The following RELN variants were observed in gnomAD, a reference collection of about 807,000 sequenced individuals.
RELN encodes reelin.
RELN carries 108 observed loss-of-function variants against 427.6 expected under a neutral mutation model. The observed-to-expected ratio is 0.25, with a 90% confidence interval of 0.22 to 0.30. The LOEUF is 0.30. Ranked by LOEUF, RELN falls within the 10% of genes least tolerant of loss-of-function variation. RELN has a pLI of 1.00. For synonymous variants in RELN, 1,524 were observed against 1,513.4 expected (o/e 1.01, Z -0.16); for missense variants, 3,715 against 4,302.8 (o/e 0.86, Z 3.82).
At chr7:103,568,164 G>C (rs909841561) in intron 31 of RELN, among the ~76,000 whole-genome samples, 1 of 151,960 alleles carries the variant, frequency 6.6e-6, no homozygotes, top group African/African-American at 2.4e-5. Flanking sequence ...CCCTATTCTT[G>C]ACTAACTAGA....
At chr7:103,981,777 A>T (rs1167227759) in intron 1 of RELN, among the ~76,000 whole-genome samples, 1 of 152,236 alleles carries the variant, frequency 6.6e-6, no homozygotes, top group Non-Finnish European at 1.5e-5. Flanking sequence ...AGATGGTTGT[A>T]TCATCTCCGA....
intron 2 of RELN, among the ~76,000 whole-genome samples, chr7:103,909,239 T>C (rs1458100693): frequency 6.6e-6 from 1 of 151,940 alleles, no homozygotes; most frequent in African/African-American, 2.4e-5. Flanking sequence ...CCCTGGGGAG[T>C]ATGGGCCTTG....
chr7:103,965,438 A>G (rs1796641686), intron 1 of RELN, among the ~76,000 whole-genome samples: 1 of 152,198 alleles, frequency 6.6e-6, no homozygotes. Context: ...GGCCTTTTAA[A>G]ATGACAGTTT....
At chr7:103,799,740 G>A (rs888600483) in intron 3 of RELN, among the ~76,000 whole-genome samples, 2 of 152,186 alleles carry the variant, frequency 1.3e-5, no homozygotes, top group East Asian at 1.9e-4. Context: ...ATAATTAAGC[G>A]TTCTATTTGT....
Position 103,497,902 on chromosome 7 carries a change from G to A in RELN, c.8868C>T (p.Ile2956=), listed in dbSNP as rs1050364320. 6 of 1,613,954 alleles carry A rather than the reference G, an allele frequency of 3.7e-6. No homozygotes were observed. The highest frequency in any genetic ancestry group is 3.3e-5 in the Admixed American group (2 of 59,972). The change falls in exon 55 of 65, where the codon ATC becomes ATT. Residue 2956 remains isoleucine, a synonymous_variant. Coordinates refer to ENST00000428762, the MANE Select transcript of RELN (RefSeq NM_005045.4). ...AAGAGGTCATGTTGTTCTCACTACC[G>A]ATGCGCCCCCAGTATTGCAGGAACC... ...GAKFLQYWGR[I]GSENNMTSCH...
In RELN at chr7:103,776,604, T is replaced by C. The variant is rs2116212190; in HGVS notation, c.497A>G (p.Gln166Arg). Reference protein sequence around the residue: ...NFMATATHRGQVIFKDALAQQ... With the variant: ...NFMATATHRGRVIFKDALAQQ... ...GGCTAAAGCATCTTTGAAAATAACC[T>C]GGCCCCGGTGTGTTGCTGTAGCCCT... Residue 166 changes from glutamine (Q) to arginine (R), a missense_variant, in exon 4 of 65, where the codon CAG becomes CGG. Gln to Arg is a conservative substitution (Grantham distance 43, BLOSUM62 1). Transcript: ENST00000428762. 6.2e-7 allele frequency: 1 copy of C among 1,614,088 alleles called. No individual in the cohort carries two copies.
chr7:103,492,684 G>C (rs1430590512), intron 57 of RELN, among the ~76,000 whole-genome samples: 3 of 152,138 alleles, frequency 2.0e-5, no homozygotes, highest in South Asian at 2.1e-4. Flanking sequence ...AATTCAGAGA[G>C]AGAATAAGAA....
In RELN at chr7:103,566,789, T is replaced by C. The variant is rs537612263; in HGVS notation, c.4589-30A>G. On this transcript the variant is annotated intron_variant, in intron 31 of 64. Transcript: ENST00000428762. ...GTTAAAAGACATAAATCCAGTTATT[T>C]GGACACTTTCCTAGAGGGGAAGGAA... 4.0e-5 allele frequency: 64 copies of C among 1,604,616 alleles called. 1 individual carries two copies. The Middle Eastern group carries it at 5.0e-4, about 12-fold the overall frequency.
intron 12 of RELN, among the ~76,000 whole-genome samples, chr7:103,658,281 C>T (rs776015399): frequency 6.6e-6 from 1 of 152,044 alleles, no homozygotes; most frequent in Admixed American, 6.6e-5. Context: ...AAGGGCAGAA[C>T]ATATAGTCAG....
intron 24 of RELN, among the ~76,000 whole-genome samples, chr7:103,598,451 C>T (rs1249189977): frequency 6.6e-6 from 1 of 152,246 alleles, no homozygotes; most frequent in Middle Eastern, 3.4e-3. Flanking sequence ...TAGAACCTAG[C>T]AGGTTAATTC....
At chr7:103,735,406 AC>A (rs1486918926) in intron 6 of RELN, among the ~76,000 whole-genome samples, 7 of 152,016 alleles carry the variant, frequency 4.6e-5, no homozygotes, top group African/African-American at 1.7e-4. Context: ...ATGCTCAACC[AC>A]CCATTCATTG....
At chr7:103,543,049 T>C (rs1040858413) in intron 42 of RELN, among the ~76,000 whole-genome samples, 171 bp from the exon 43 acceptor site, 1 of 152,250 alleles carries the variant, frequency 6.6e-6, no homozygotes, top group African/African-American at 2.4e-5. Flanking sequence ...CTTGTTTGAA[T>C]TGTTTAGCCT....
At chr7:103,708,650 A>G (rs906484851) in intron 8 of RELN, among the ~76,000 whole-genome samples, 1 of 151,664 alleles carries the variant, frequency 6.6e-6, no homozygotes, top group East Asian at 1.9e-4. Flanking sequence ...TTTTTAGTAG[A>G]AACGGGGTTT....
intron 8 of RELN, among the ~76,000 whole-genome samples, chr7:103,720,636 CTT>C (rs1254382917): frequency 6.6e-6 from 1 of 152,050 alleles, no homozygotes; most frequent in African/African-American, 2.4e-5. Flanking sequence ...ATAACATAAT[CTT>C]AATATAATTT....
chr7:103,677,945 A>G (rs953792157), intron 11 of RELN, among the ~76,000 whole-genome samples: 1 of 151,846 alleles, frequency 6.6e-6, no homozygotes, highest in Non-Finnish European at 1.5e-5. Flanking sequence ...ACTTCCTTCC[A>G]TCAGATCCCT....
At chr7:103,547,446 G>A (rs892387562) in intron 41 of RELN, among the ~76,000 whole-genome samples, 7 of 152,012 alleles carry the variant, frequency 4.6e-5, no homozygotes, top group East Asian at 1.9e-4. Flanking sequence ...ACAGGCGCCC[G>A]CCACCACGCC....
intron 38 of RELN, 21 bp from the exon 39 acceptor site, chr7:103,553,852 G>A (rs1194561158): frequency 1.9e-6 from 3 of 1,608,698 alleles, no homozygotes; most frequent in African/African-American, 1.3e-5. Context: ...TTTGGATAAA[G>A]CAAGTTTTTC....
intron 45 of RELN, among the ~76,000 whole-genome samples, chr7:103,536,532 G>T (rs948146801): frequency 6.6e-6 from 1 of 152,148 alleles, no homozygotes; most frequent in Admixed American, 6.5e-5. Context: ...AGCTTCCCAG[G>T]TGATTCTCCC....
intron 2 of RELN, among the ~76,000 whole-genome samples, chr7:103,894,749 C>T (rs979966065): frequency 7.2e-5 from 11 of 152,026 alleles, no homozygotes; most frequent in Non-Finnish European, 1.2e-4. Context: ...CTGAGAAAGC[C>T]CATGCAATTA....
Sources: gnomAD v4.1 joint callset for allele counts (sites outside exome capture counted in the v4.1 genomes callset) on GRCh38, gnomAD v4.1.1 for gene constraint, MANE v1.5 for transcripts, NCBI Gene and HGNC (gene_info 2026-07-23, HGNC 2026-07-21) for gene names.